RELCH: variants seen among roughly 807,000 people sequenced by gnomAD.
The protein encoded by RELCH is RAB11-binding protein RELCH.
A neutral mutation model predicts 150.3 loss-of-function variants in RELCH; 41 were observed. The ratio of observed to expected loss-of-function variants is 0.27; its 90% CI spans 0.21 to 0.35. RELCH has a LOEUF of 0.35. Ranked by LOEUF, RELCH falls within the 10% of genes least tolerant of loss-of-function variation. The pLI is 1.00. For missense variants in RELCH, 1,092 were observed against 1,467.8 expected (o/e 0.74, Z 4.18); for synonymous variants, 478 against 531.8 (o/e 0.90, Z 1.39).
chr18:62,210,572 G>A lies in RELCH; in HGVS notation c.527-581G>A, dbSNP rs1035244034. ...TTTTACATTCCATAGTTTTTGCTAA[G>A]ATATTAACTCCTTTCGTTTATTGTA... On this transcript the variant is annotated intron_variant, in intron 1 of 28. Transcript: ENST00000644646. Among the ~76,000 whole-genome samples, 9 of 152,286 alleles carry A rather than the reference G, an allele frequency of 5.9e-5. No homozygotes were observed. In the East Asian group the frequency reaches 1.5e-3, roughly 26 times the overall value.
At chr18:62,301,918 C>T (rs572591858) in intron 28 of RELCH, among the ~76,000 whole-genome samples, 44 of 152,160 alleles carry the variant, frequency 2.9e-4, no homozygotes, top group Non-Finnish European at 5.4e-4. Flanking sequence ...AAAGTAGATA[C>T]TTTTACTATT....
rs755098911 is a variant in RELCH, at chr18:62,227,403, G to A, written c.973G>A (p.Ala325Thr). Residue 325 changes from alanine (A) to threonine (T), a missense_variant, in exon 6 of 29, where the codon GCC becomes ACC. Coordinates refer to ENST00000644646, the MANE Select transcript of RELCH (RefSeq NM_001346231.2). ...QVTGKDLVDV[A>T]SGVEEDELEA... ...AACTGGAAAAGATCTTGTAGATGTG[G>A]CCAGTGGAGTAGAAGAAGATGAATT... The A allele has an allele frequency of 1.2e-6, 2 of 1,612,950 alleles. No individual in the cohort carries two copies. Among genetic ancestry groups the A allele is most frequent in the Non-Finnish European group, 1.7e-6 (2 of 1,179,380 alleles).
At position 62,279,864 on chromosome 18, in the gene RELCH, T is replaced by A; in HGVS notation, c.3050+8T>A. The stretch of plus-strand genomic sequence containing the variant: ...CTCCAGTGACCCTGAAATGTAAGTG[T>A]CATCCCTGCCTTTTATATTCGGCAT... On this transcript the variant is annotated splice_region_variant and intron_variant, in intron 23 of 28. Coordinates refer to ENST00000644646, the MANE Select transcript of RELCH (RefSeq NM_001346231.2). 1 of 1,521,884 alleles carries A rather than the reference T, an allele frequency of 6.6e-7. No homozygotes were observed. Among genetic ancestry groups the A allele is most frequent in the African/African-American group, 1.4e-5 (1 of 72,874 alleles). 94.3% of individuals were successfully genotyped at this position (1,521,884 alleles called of 1,614,324 possible).
Position 62,307,012 on chromosome 18 carries a change from C to G in RELCH, c.*1478C>G, listed in dbSNP as rs908386728. ...GTGAAATAATTGTGAACTAAGTAGTCTTTCTGAAAACTGTTGGGTTCTAGG... is the reference window on the plus strand; with the variant it reads ...GTGAAATAATTGTGAACTAAGTAGTGTTTCTGAAAACTGTTGGGTTCTAGG... On this transcript the variant is annotated 3_prime_UTR_variant, in exon 29 of 29. Coordinates refer to ENST00000644646, the MANE Select transcript of RELCH (RefSeq NM_001346231.2). 6.6e-6 allele frequency: 1 copy of G among 152,554 alleles called. No individual in the cohort carries two copies. The highest frequency in any genetic ancestry group is 2.4e-5 in the African/African-American group (1 of 41,444). 9.5% of individuals were successfully genotyped at this position (152,554 alleles called of 1,614,324 possible).
At chr18:62,248,879 G>A (rs2042557487) in intron 11 of RELCH, among the ~76,000 whole-genome samples, 1 of 152,058 alleles carries the variant, frequency 6.6e-6, no homozygotes, top group Admixed American at 6.6e-5. Flanking sequence ...TGAGAAGAAA[G>A]CTGAATGGGT....
intron 10 of RELCH, among the ~76,000 whole-genome samples, chr18:62,243,674 A>G (rs2042259689): frequency 1.3e-5 from 2 of 152,150 alleles, no homozygotes; most frequent in African/African-American, 4.8e-5. Flanking sequence ...CTTAGGAAGC[A>G]TCTTCAAAGT....
intron 5 of RELCH, among the ~76,000 whole-genome samples, chr18:62,223,275 A>C (rs534818694): frequency 6.0e-4 from 92 of 152,148 alleles, no homozygotes; most frequent in South Asian, 3.1e-3. Context: ...AAATAACCAA[A>C]ATCAACAATG....
chr18:62,241,282 A>G (rs2042135782), intron 10 of RELCH, among the ~76,000 whole-genome samples: 1 of 152,142 alleles, frequency 6.6e-6, no homozygotes, highest in South Asian at 2.1e-4. Context: ...ACTCAGAGCA[A>G]CACCAGCCCC....
chr18:62,203,136 A>G (rs1352366560), intron 1 of RELCH, among the ~76,000 whole-genome samples: 1 of 152,120 alleles, frequency 6.6e-6, no homozygotes, highest in Non-Finnish European at 1.5e-5. Flanking sequence ...TCACACACAA[A>G]CCCCAAAAAT....
chr18:62,283,848 C>T (rs1040496290), intron 25 of RELCH, among the ~76,000 whole-genome samples: 5 of 152,102 alleles, frequency 3.3e-5, no homozygotes, highest in African/African-American at 1.2e-4. Context: ...AAAGGATAGG[C>T]TCAACAGGCA....
intron 14 of RELCH, 115 bp from the exon 15 acceptor site, chr18:62,258,393 CTTCT>C (rs2043091335): frequency 1.1e-6 from 1 of 909,656 alleles, no homozygotes; most frequent in Non-Finnish European, 1.6e-6. Flanking sequence ...TATGGATGGC[CTTCT>C]TTCTTGCTTA....
intron 1 of RELCH, among the ~76,000 whole-genome samples, chr18:62,198,552 C>T (rs985819807): frequency 3.3e-5 from 5 of 152,216 alleles, no homozygotes; most frequent in African/African-American, 1.2e-4. Context: ...GTTGACATTT[C>T]TGTTACTTCA....
intron 12 of RELCH, among the ~76,000 whole-genome samples, 153 bp downstream of exon 12, chr18:62,252,907 G>C (rs115709089): frequency 6.6e-6 from 1 of 152,064 alleles, no homozygotes; most frequent in South Asian, 2.1e-4. Flanking sequence ...TAGTACTTAC[G>C]AATGCTCTGG....
At chr18:62,195,392 A>G (rs1281919795) in intron 1 of RELCH, among the ~76,000 whole-genome samples, 3 of 152,048 alleles carry the variant, frequency 2.0e-5, no homozygotes, top group Non-Finnish European at 4.4e-5. Flanking sequence ...CAAGATAAAA[A>G]TTGTGGTAAT....
chr18:62,260,635 C>T (rs1225511131), intron 15 of RELCH, among the ~76,000 whole-genome samples: 1 of 137,552 alleles, frequency 7.3e-6, no homozygotes, highest in Non-Finnish European at 1.6e-5. Context: ...TCTTACAGCA[C>T]TATTCATAAT....
At chr18:62,302,564 A>G (rs1315836928) in intron 28 of RELCH, among the ~76,000 whole-genome samples, 1 of 152,144 alleles carries the variant, frequency 6.6e-6, no homozygotes, top group Non-Finnish European at 1.5e-5. Flanking sequence ...TCTGTCTCCC[A>G]GGCTGGAGTG....
At chr18:62,247,016 A>C (rs759674698) in intron 11 of RELCH, 2 of 152,206 alleles carry the variant, frequency 1.3e-5, no homozygotes, top group Non-Finnish European at 2.9e-5. Context: ...TGTCAAGAGA[A>C]CTGGGCGTTG....
At chr18:62,247,578 C>T (rs1167708810) in intron 11 of RELCH, among the ~76,000 whole-genome samples, 1 of 149,996 alleles carries the variant, frequency 6.7e-6, no homozygotes, top group Non-Finnish European at 1.5e-5. Flanking sequence ...GGGTCTCACT[C>T]TGTCTCCCAG....
intron 11 of RELCH, among the ~76,000 whole-genome samples, chr18:62,249,869 G>C (rs1353543085): frequency 6.6e-6 from 1 of 151,404 alleles, no homozygotes; most frequent in African/African-American, 2.4e-5. Flanking sequence ...CATGAAAAAA[G>C]CAAAAACTTT....
Sources: allele counts gnomAD v4.1 joint callset (sites outside exome capture counted in the v4.1 genomes callset), GRCh38; gene constraint gnomAD v4.1.1; transcripts MANE v1.5; gene names NCBI Gene and HGNC (gene_info 2026-07-23, HGNC 2026-07-21).